Variants in GALNT13 observed in about 807,000 individuals in gnomAD.
GALNT13 encodes UDP-GalNAc:polypeptide N-acetylgalactosaminyltransferase 13.
GALNT13 carries 28 observed loss-of-function variants against 64.2 expected under a neutral mutation model. The observed-to-expected ratio is 0.44, with a 90% CI of 0.32 to 0.60. GALNT13 has a LOEUF of 0.60. Ranked by LOEUF, GALNT13 falls within the 20% of genes least tolerant of loss-of-function variation. GALNT13 has a pLI of 0.05. For synonymous variants in GALNT13, 214 were observed against 224.6 expected (o/e 0.95, Z 0.42); for missense variants, 577 against 669.8 (o/e 0.86, Z 1.53).
chr2:153,524,823 AG>A, the GALNT13 span, among the ~76,000 whole-genome samples: 105 of 152,316 alleles, frequency 6.9e-4, no homozygotes, highest in African/African-American at 2.4e-3. Context: ...CTAGGCCACA[AG>A]GACTGTAACA....
chr2:153,497,450 C>T, the GALNT13 span, among the ~76,000 whole-genome samples: 1 of 148,566 alleles, frequency 6.7e-6, no homozygotes, highest in East Asian at 2.0e-4. Context: ...GAAAGCATTC[C>T]ATAACTATGT....
chr2:153,879,189 A>G (rs1449152684), intron 1 of GALNT13, among the ~76,000 whole-genome samples: 1 of 152,180 alleles, frequency 6.6e-6, no homozygotes, highest in Non-Finnish European at 1.5e-5. Context: ...CTTTGCAGAT[A>G]TTGATTCATT....
intron 9 of GALNT13, among the ~76,000 whole-genome samples, chr2:154,327,196 T>A (rs989924140): frequency 6.6e-6 from 1 of 152,092 alleles, no homozygotes. Flanking sequence ...CGTTCCTTTG[T>A]TCGGCATTTC....
chr2:153,437,644 G>T, the GALNT13 span, among the ~76,000 whole-genome samples: 1 of 152,098 alleles, frequency 6.6e-6, no homozygotes, highest in South Asian at 2.1e-4. Flanking sequence ...GACTAGGATT[G>T]CAACCCCTGC....
intron 3 of GALNT13, among the ~76,000 whole-genome samples, chr2:154,043,455 T>TATATATATAC (rs1341373277): frequency 4.8e-5 from 5 of 105,014 alleles, no homozygotes; most frequent in Admixed American, 9.9e-5. Context: ...TATATATATA[T>TATATATATAC]ACACACATGT....
chr2:154,024,479 T>C (rs1333000161), intron 3 of GALNT13, among the ~76,000 whole-genome samples: 4 of 152,210 alleles, frequency 2.6e-5, no homozygotes, highest in East Asian at 1.9e-4. Flanking sequence ...TCCAGTTCAT[T>C]GCATCGGCTC....
the GALNT13 span, among the ~76,000 whole-genome samples, chr2:153,220,717 C>T: frequency 6.6e-6 from 1 of 152,124 alleles, no homozygotes; most frequent in East Asian, 1.9e-4. Context: ...TCATAAACTC[C>T]CACTCCTGCA....
intron 3 of GALNT13, among the ~76,000 whole-genome samples, chr2:154,123,093 C>T (rs1463235885): frequency 6.6e-6 from 1 of 151,892 alleles, no homozygotes; most frequent in African/African-American, 2.4e-5. Flanking sequence ...ATAAAATTAT[C>T]TTTCAAAACT....
the GALNT13 span, among the ~76,000 whole-genome samples, chr2:153,213,011 A>G: frequency 6.6e-6 from 1 of 152,334 alleles, no homozygotes; most frequent in East Asian, 1.9e-4. Flanking sequence ...ATTGCAAAGT[A>G]TTTGAACACT....
At chr2:153,876,585 G>T (rs1242368719) in intron 1 of GALNT13, among the ~76,000 whole-genome samples, 2 of 151,964 alleles carry the variant, frequency 1.3e-5, no homozygotes, top group African/African-American at 4.8e-5. Flanking sequence ...GTTTCTTCTT[G>T]ATTTCATATT....
chr2:153,709,722 C>T, the GALNT13 span, among the ~76,000 whole-genome samples: 1 of 151,910 alleles, frequency 6.6e-6, no homozygotes, highest in Non-Finnish European at 1.5e-5. Flanking sequence ...TCACCACAGC[C>T]ATGTTATAAA....
intron 4 of GALNT13, among the ~76,000 whole-genome samples, chr2:154,232,231 G>A (rs986633829): frequency 9.2e-5 from 14 of 152,200 alleles, no homozygotes; most frequent in Admixed American, 2.6e-4. Flanking sequence ...TATATTTTGT[G>A]ATATGAAAAT....
rs796317243 is a variant in GALNT13 at position 153,899,080 on chromosome 2, G to A, written c.-176-1856G>A. Among the ~76,000 whole-genome samples the A allele has an allele frequency of 9.2e-5, 14 of 152,206 alleles. 1 individual carries two copies. Among genetic ancestry groups the A allele is most frequent in the African/African-American group, 3.4e-4 (14 of 41,526 alleles). On this transcript the variant is annotated intron_variant, in intron 1 of 12. Transcript: ENST00000392825. Reference sequence around the variant, plus strand: ...AAGGATTTTTTATGAGAAATCTTCTGCTTTTGAATATTATGTAATATTTTA... The same window carrying A: ...AAGGATTTTTTATGAGAAATCTTCTACTTTTGAATATTATGTAATATTTTA...
chr2:153,867,499 C>G (rs112104498), upstream of GALNT13, among the ~76,000 whole-genome samples: 3 of 152,192 alleles, frequency 2.0e-5, 1 homozygote, highest in African/African-American at 4.8e-5. Context: ...ATAGCCCTCC[C>G]CAACATTTTT....
chr2:154,367,848 T>A (rs1367224222), intron 9 of GALNT13, among the ~76,000 whole-genome samples: 1 of 152,202 alleles, frequency 6.6e-6, no homozygotes, highest in East Asian at 1.9e-4. Context: ...GAATAATTTA[T>A]GGAACAAAAG....
At chr2:154,394,104 A>AAAAG (rs1553523758) in intron 9 of GALNT13, among the ~76,000 whole-genome samples, 3 of 146,364 alleles carry the variant, frequency 2.0e-5, no homozygotes, top group Non-Finnish European at 3.0e-5. Flanking sequence ...AAAAAAAAAA[A>AAAAG]GGTATGCAAA....
the GALNT13 span, among the ~76,000 whole-genome samples, chr2:153,235,225 T>C: frequency 3.3e-5 from 5 of 152,178 alleles, no homozygotes; most frequent in African/African-American, 1.2e-4. Context: ...AACTCCACAA[T>C]GTCCTCTAAG....
At chr2:153,806,917 GA>G in the GALNT13 span, among the ~76,000 whole-genome samples, 1 of 151,322 alleles carries the variant, frequency 6.6e-6, no homozygotes, top group Admixed American at 6.6e-5. Context: ...ACACTTTGGT[GA>G]AAAAAAATTA....
At chr2:153,916,941 A>G (rs927934786) in intron 2 of GALNT13, among the ~76,000 whole-genome samples, 15 of 152,184 alleles carry the variant, frequency 9.9e-5, no homozygotes, top group Non-Finnish European at 4.4e-5. Context: ...CACTTTATGT[A>G]ATGTCAAACC....
Sources: gnomAD v4.1 joint callset for allele counts (sites outside exome capture counted in the v4.1 genomes callset) on GRCh38, gnomAD v4.1.1 for gene constraint, MANE v1.5 for transcripts, NCBI Gene and HGNC (gene_info 2026-07-23, HGNC 2026-07-21) for gene names.